SLC39A9: variants seen among roughly 807,000 people sequenced by gnomAD.
The protein encoded by SLC39A9 is zinc transporter ZIP9.
Under a neutral mutation model 28.4 loss-of-function variants are expected in SLC39A9, and 14 were observed. The ratio of observed to expected loss-of-function variants is 0.49; its 90% CI spans 0.33 to 0.77. The LOEUF (loss-of-function observed/expected upper bound fraction) is 0.77, where lower values mean the gene tolerates loss of function less well. SLC39A9 is among the 30% of genes least tolerant of loss of function. The pLI is 0.02. For synonymous variants in SLC39A9, 119 were observed against 149.6 expected (o/e 0.80, Z 1.49); for missense variants, 283 against 381.1 (o/e 0.74, Z 2.14).
Position 69,461,505 on chromosome 14 carries a change from G to C in SLC39A9, c.*2912G>C, listed in dbSNP as rs527268449. On this transcript the variant is annotated 3_prime_UTR_variant, in exon 7 of 7. Coordinates refer to ENST00000336643, the MANE Select transcript of SLC39A9 (RefSeq NM_018375.5). ...GGTTATGTGTTTTCTCTTTCTCCCC[G>C]CTTTCACCTCTTTCTTTCCCAATTC... The C allele has an allele frequency of 7.0e-7, 1 of 1,430,792 alleles. No homozygotes were observed. The highest frequency in any genetic ancestry group is 9.1e-7 in the Non-Finnish European group (1 of 1,095,812). The allele number at this position is 1,430,792 out of a possible 1,614,324, so 88.6% of individuals were successfully genotyped here.
At chr14:69,429,358 T>C (rs1015355946) in intron 2 of SLC39A9, 2 of 152,176 alleles carry the variant, frequency 1.3e-5, no homozygotes, top group African/African-American at 2.4e-5. Flanking sequence ...CTTTTTTTTT[T>C]CTGAGTGGTA....
chr14:69,421,702 C>T (rs1336613138), intron 1 of SLC39A9, among the ~76,000 whole-genome samples: 1 of 152,206 alleles, frequency 6.6e-6, no homozygotes. Flanking sequence ...ACTCCAGCCT[C>T]AGCAATGGCA....
At chr14:69,455,285 T>C (rs1487000279) in intron 5 of SLC39A9, among the ~76,000 whole-genome samples, 1 of 152,220 alleles carries the variant, frequency 6.6e-6, no homozygotes, top group Non-Finnish European at 1.5e-5. Flanking sequence ...GTTTGTACTC[T>C]GCCTGGTTTT....
chr14:69,442,833 T>G (rs1466417882), intron 3 of SLC39A9, among the ~76,000 whole-genome samples: 1 of 152,208 alleles, frequency 6.6e-6, no homozygotes, highest in Non-Finnish European at 1.5e-5. Context: ...AATTATGAGG[T>G]AGTCTGTAAC....
chr14:69,403,910 G>T (rs900043068), intron 1 of SLC39A9, among the ~76,000 whole-genome samples: 1 of 152,164 alleles, frequency 6.6e-6, no homozygotes, highest in Non-Finnish European at 1.5e-5. Flanking sequence ...GGGCGTGGTG[G>T]CACGTGCCTG....
At chr14:69,402,008 T>G (rs1340619348) in intron 1 of SLC39A9, among the ~76,000 whole-genome samples, 1 of 152,206 alleles carries the variant, frequency 6.6e-6, no homozygotes, top group Non-Finnish European at 1.5e-5. Context: ...AAGCACCATT[T>G]CTTTCCTTAG....
chr14:69,441,075 C>T (rs980187763), intron 2 of SLC39A9, among the ~76,000 whole-genome samples: 8 of 152,150 alleles, frequency 5.3e-5, no homozygotes, highest in African/African-American at 1.9e-4. Flanking sequence ...CCCCAGATTT[C>T]AAGACCAGCC....
chr14:69,402,964 C>T (rs970703849), intron 1 of SLC39A9, among the ~76,000 whole-genome samples: 19 of 152,244 alleles, frequency 1.2e-4, no homozygotes, highest in African/African-American at 4.1e-4. Flanking sequence ...TGCCTGTAAT[C>T]CCAGCTACTC....
At chr14:69,437,648 G>A (rs1884838368) in intron 2 of SLC39A9, among the ~76,000 whole-genome samples, 1 of 149,948 alleles carries the variant, frequency 6.7e-6, no homozygotes, top group Non-Finnish European at 1.5e-5. Flanking sequence ...GGAGTGCAGT[G>A]GCACCATCTC....
intron 2 of SLC39A9, among the ~76,000 whole-genome samples, chr14:69,434,281 A>C (rs1251218581): frequency 6.6e-6 from 1 of 150,996 alleles, no homozygotes; most frequent in African/African-American, 2.4e-5. Context: ...ACAGGGTTTC[A>C]CCATATTGGT....
At chr14:69,411,354 C>T (rs1332986658) in intron 1 of SLC39A9, among the ~76,000 whole-genome samples, 1 of 152,092 alleles carries the variant, frequency 6.6e-6, no homozygotes, top group Non-Finnish European at 1.5e-5. Flanking sequence ...GACTTCAAAG[C>T]TTGTGCTGAT....
chr14:69,453,354 G>A, intron 4 of SLC39A9, 45 bp downstream of exon 4: 1 of 1,555,696 alleles, frequency 6.4e-7, no homozygotes, highest in Admixed American at 1.7e-5. Context: ...CTATCGCACA[G>A]GGGAGACCTT....
chr14:69,445,570 A>G (rs1885256428), intron 3 of SLC39A9, among the ~76,000 whole-genome samples: 1 of 151,084 alleles, frequency 6.6e-6, no homozygotes, highest in Non-Finnish European at 1.5e-5. Context: ...GAAAAGTTGT[A>G]TGTGGATTTT....
intron 1 of SLC39A9, among the ~76,000 whole-genome samples, chr14:69,413,179 AC>A (rs1188026910): frequency 2.0e-5 from 3 of 152,046 alleles, no homozygotes; most frequent in Non-Finnish European, 2.9e-5. Flanking sequence ...ACATGGTGAA[AC>A]CCTGTCTCTA....
chr14:69,461,830 T>C lies in SLC39A9; in HGVS notation c.*3237T>C, dbSNP rs1886124779. The C allele has an allele frequency of 7.5e-7, 1 of 1,326,712 alleles. No homozygotes were observed. Among genetic ancestry groups the C allele is most frequent in the Non-Finnish European group, 1.0e-6 (1 of 974,650 alleles). The allele number at this position is 1,326,712 out of a possible 1,614,324, so 82.2% of individuals were successfully genotyped here. On this transcript the variant is annotated 3_prime_UTR_variant, in exon 7 of 7. Coordinates refer to ENST00000336643, the MANE Select transcript of SLC39A9 (RefSeq NM_018375.5). ...AGGATGTTCCTGCCTTGTGGGCCCCTGAGCCCCTTGGGAGACTGAGAATCA... is the reference window on the plus strand; with the variant it reads ...AGGATGTTCCTGCCTTGTGGGCCCCCGAGCCCCTTGGGAGACTGAGAATCA...
chr14:69,434,073 C>CTTTTT (rs1566917650), intron 2 of SLC39A9, among the ~76,000 whole-genome samples: 14 of 139,344 alleles, frequency 1.0e-4, no homozygotes, highest in African/African-American at 3.7e-4. Context: ...GCATGTAATT[C>CTTTTT]TTTTCTTTTC....
chr14:69,419,282 T>C (rs1883751719), intron 1 of SLC39A9, among the ~76,000 whole-genome samples: 1 of 152,222 alleles, frequency 6.6e-6, no homozygotes, highest in Admixed American at 6.5e-5. Context: ...CAGGAGCAAG[T>C]TGTTCAGTTT....
chr14:69,399,707 A>G (rs536233071), intron 1 of SLC39A9, among the ~76,000 whole-genome samples: 2 of 152,376 alleles, frequency 1.3e-5, no homozygotes, highest in South Asian at 4.1e-4. Context: ...TGAATCCCCT[A>G]GAATTGCTTA....
At chr14:69,426,946 A>G (rs1884227654) in intron 2 of SLC39A9, among the ~76,000 whole-genome samples, 1 of 152,168 alleles carries the variant, frequency 6.6e-6, no homozygotes, top group African/African-American at 2.4e-5. Context: ...ACACATACAT[A>G]AAATAACACC....
Sources: gnomAD v4.1 joint callset for allele counts (sites outside exome capture counted in the v4.1 genomes callset) on GRCh38, gnomAD v4.1.1 for gene constraint, MANE v1.5 for transcripts, NCBI Gene and HGNC (gene_info 2026-07-23, HGNC 2026-07-21) for gene names.